Variants in CFHR2 observed in about 807,000 individuals in gnomAD.
CFHR2 encodes the protein complement factor H-related protein 2.
In CFHR2, 22 loss-of-function variants were observed where a neutral mutation model predicts 21.7. The ratio of observed to expected loss-of-function variants is 1.01; its 90% CI spans 0.72 to 1.45. CFHR2 has a LOEUF of 1.45. Ranked by LOEUF, CFHR2 falls within the 40% of genes most tolerant of loss-of-function variation. The pLI is 0.00. For missense variants in CFHR2, 294 were observed against 293.3 expected (o/e 1.00, Z -0.02); for synonymous variants, 98 against 97.4 (o/e 1.01, Z -0.04).
intron 1 of CFHR2, among the ~76,000 whole-genome samples, chr1:196,944,912 T>C (rs1659418738): frequency 6.7e-6 from 1 of 149,492 alleles, no homozygotes; most frequent in Admixed American, 6.7e-5. Context: ...CTTTCACTCT[T>C]GTTTCCCAGG....
At position 196,949,144 on chromosome 1, in the gene CFHR2, TC is replaced by T. The variant is rs1659628735; in HGVS notation, c.59-310del. On this transcript the variant is annotated intron_variant, in intron 1 of 4. Transcript: ENST00000367415. ...TAAGTAGATCAGGAAGATTTGCTAG[TC>T]TTACACTCTGCCTTCATTCTTAAAT... 1.3e-5 allele frequency among the ~76,000 whole-genome samples: 2 copies of T among 152,190 alleles called. 1 individual carries two copies. Among genetic ancestry groups the T allele is most frequent in the Admixed American group, 1.3e-4 (2 of 15,266 alleles).
chr1:196,951,493 T>C (rs1275649659), intron 3 of CFHR2, among the ~76,000 whole-genome samples: 2 of 152,210 alleles, frequency 1.3e-5, no homozygotes, highest in Non-Finnish European at 2.9e-5. Flanking sequence ...CTGAGAGGTA[T>C]GTTTATTTGT....
At chr1:196,946,591 C>T (rs970012028) in intron 1 of CFHR2, among the ~76,000 whole-genome samples, 5 of 152,088 alleles carry the variant, frequency 3.3e-5, no homozygotes, top group African/African-American at 1.2e-4. Context: ...CAGACACAAA[C>T]ACACATATTA....
intron 3 of CFHR2, among the ~76,000 whole-genome samples, chr1:196,954,503 G>A (rs1469768461): frequency 3.3e-5 from 5 of 152,170 alleles, no homozygotes; most frequent in African/African-American, 1.2e-4. Flanking sequence ...GCTCCACTAG[G>A]CAGTGCCTCA....
At chr1:196,950,431 T>C (rs934456086) in intron 2 of CFHR2, among the ~76,000 whole-genome samples, 1 of 152,150 alleles carries the variant, frequency 6.6e-6, no homozygotes, top group Non-Finnish European at 1.5e-5. Flanking sequence ...TGATTTCAGC[T>C]TTGAAAGCTT....
Position 196,944,883 on chromosome 1 carries a change from A to AT in CFHR2, c.58+955dup, listed in dbSNP as rs71131736. Among the ~76,000 whole-genome samples the AT allele has an allele frequency of 4.0e-4, 54 of 134,370 alleles. 1 individual carries two copies. The highest frequency in any genetic ancestry group is 1.2e-3 in the East Asian group (6 of 5,064). The allele number at this position is 134,370 out of a possible 152,430, so 88.2% of individuals were successfully genotyped here. On this transcript the variant is annotated intron_variant, in intron 1 of 4. Coordinates refer to ENST00000367415, the MANE Select transcript of CFHR2 (RefSeq NM_005666.4). ...ATATTATTTCTATTGCTTGAAATTC[A>AT]TTTTTTTTTTGAGATGGACTTTCAC... is the stretch of plus-strand genomic sequence containing the variant.
chr1:196,944,631 A>G (rs1571478169), intron 1 of CFHR2, among the ~76,000 whole-genome samples: 1 of 152,088 alleles, frequency 6.6e-6, no homozygotes, highest in South Asian at 2.1e-4. Context: ...CAAAATCTCT[A>G]CCAAGGTCTA....
At chr1:196,949,876 C>T (rs1050936699) in intron 2 of CFHR2, among the ~76,000 whole-genome samples, 18 of 152,134 alleles carry the variant, frequency 1.2e-4, no homozygotes, top group Admixed American at 1.1e-3. Context: ...TGAAATATAT[C>T]AATTTTTTTA....
chr1:196,950,923 A>C lies in CFHR2; in HGVS notation c.325A>C (p.Thr109Pro). The C allele has an allele frequency of 6.2e-7, 1 of 1,614,068 alleles. No homozygotes were observed. Among genetic ancestry groups the C allele is most frequent in the Non-Finnish European group, 8.5e-7 (1 of 1,179,988 alleles). Residue 109 changes from threonine to proline, a missense_variant, in exon 3 of 5, where the codon ACT becomes CCT. Transcript: ENST00000367415. ...AGGACAAACACATCTGGAAGGTGAT[A>C]CTGTACAAATTATTTGCAACACAGG... ...SSGQTHLEGD[T>P]VQIICNTGYR...
chr1:196,956,218 A>G (rs1326371419), intron 3 of CFHR2, among the ~76,000 whole-genome samples: 2 of 152,204 alleles, frequency 1.3e-5, no homozygotes, highest in Non-Finnish European at 2.9e-5. Context: ...ATGTGAATGC[A>G]AAACAGAGCA....
intron 3 of CFHR2, among the ~76,000 whole-genome samples, chr1:196,951,591 T>G (rs1439810626): frequency 6.6e-6 from 1 of 152,132 alleles, no homozygotes; most frequent in Non-Finnish European, 1.5e-5. Flanking sequence ...CTCTTGCAAT[T>G]CTTCGTCTTT....
At chr1:196,949,848 C>T (rs1350450914) in intron 2 of CFHR2, among the ~76,000 whole-genome samples, 199 bp downstream of exon 2, 2 of 152,138 alleles carry the variant, frequency 1.3e-5, no homozygotes, top group Non-Finnish European at 2.9e-5. Flanking sequence ...TTGCATTACC[C>T]GGAAATTCTC....
At position 196,950,899 on chromosome 1, in the gene CFHR2, G is replaced by A. The variant is rs780291426; in HGVS notation, c.301G>A (p.Gly101Arg). 6.2e-6 allele frequency: 10 copies of A among 1,613,740 alleles called. No homozygotes were observed. In the African/African-American group the frequency reaches 1.2e-4, roughly 19 times the overall value. ...GGAAAATGGTCATTCTGAATCTTCA[G>A]GACAAACACATCTGGAAGGTGATAC... is the stretch of plus-strand genomic sequence containing the variant. ...FVENGHSESS[G>R]QTHLEGDTVQ... The change falls in exon 3 of 5, where the codon GGA (glycine) becomes AGA (arginine). Residue 101 changes from glycine to arginine, a missense_variant. Physicochemically the swap from Gly to Arg is moderately radical, Grantham distance 125. Coordinates refer to ENST00000367415, the MANE Select transcript of CFHR2 (RefSeq NM_005666.4).
chr1:196,958,886 T>C lies in CFHR2; in HGVS notation c.619T>C (p.Cys207Arg), dbSNP rs767612790. Residue 207 changes from cysteine (C) to arginine (R), a missense_variant, in exon 5 of 5, where the codon TGT (cysteine) becomes CGT (arginine). By Grantham distance (180) the Cys-to-Arg change is radical. Transcript: ENST00000367415. ...WSEPPKCLDP[C>R]VISQEIMEKY... ...TCATTTTTTTCTACTTTCAGATCCA[T>C]GTGTAATATCACAAGAAATTATGGA... is the stretch of plus-strand genomic sequence containing the variant. The C allele has an allele frequency of 1.3e-6, 2 of 1,562,872 alleles. No individual in the cohort carries two copies. Among genetic ancestry groups the C allele is most frequent in the Non-Finnish European group, 1.8e-6 (2 of 1,136,360 alleles).
intron 1 of CFHR2, among the ~76,000 whole-genome samples, chr1:196,948,814 T>C (rs1183135203): frequency 6.6e-6 from 1 of 152,162 alleles, no homozygotes; most frequent in Non-Finnish European, 1.5e-5. Flanking sequence ...AATACAAATA[T>C]ACAATACATA....
chr1:196,944,678 G>A (rs777483575), intron 1 of CFHR2, among the ~76,000 whole-genome samples: 28 of 151,820 alleles, frequency 1.8e-4, no homozygotes, highest in Non-Finnish European at 3.1e-4. Flanking sequence ...TTGGAGTTTC[G>A]ATCATTATGC....
intron 2 of CFHR2, 43 bp downstream of exon 2, chr1:196,949,692 A>T: frequency 6.2e-7 from 1 of 1,607,374 alleles, no homozygotes; most frequent in Non-Finnish European, 8.5e-7. Context: ...CATTCAATGA[A>T]CAGAGAAGGA....
At chr1:196,956,857 C>A (rs1375253241) in intron 3 of CFHR2, among the ~76,000 whole-genome samples, 3 of 151,978 alleles carry the variant, frequency 2.0e-5, no homozygotes, top group African/African-American at 7.3e-5. Flanking sequence ...ATTTTGAGTA[C>A]TCGATTGCAA....
chr1:196,951,057 T>A (rs1357959987), intron 3 of CFHR2, 29 bp downstream of exon 3: 1 of 1,611,728 alleles, frequency 6.2e-7, no homozygotes, highest in Non-Finnish European at 8.5e-7. Context: ...TCTCAGATGC[T>A]GTTATATTAT....
Sources: allele counts gnomAD v4.1 joint callset (sites outside exome capture counted in the v4.1 genomes callset), GRCh38; gene constraint gnomAD v4.1.1; transcripts MANE v1.5; gene names NCBI Gene and HGNC (gene_info 2026-07-23, HGNC 2026-07-21).